ATXN1: variants seen among roughly 807,000 people sequenced by gnomAD.
The protein encoded by ATXN1 is ataxin 1, also known as ataxin-1.
Under a neutral mutation model 56.4 loss-of-function variants are expected in ATXN1, and 8 were observed. That is an observed-to-expected ratio of 0.14 (90% CI 0.08 to 0.26). ATXN1 has a LOEUF of 0.26. ATXN1 is among the 10% of genes least tolerant of loss of function. The pLI is 1.00. For synonymous variants in ATXN1, 514 were observed against 494.6 expected, an observed-to-expected ratio of 1.04 and a Z score of -0.52; for missense variants, 987 against 1,106.5, an observed-to-expected ratio of 0.89 and a Z score of 1.53.
intron 2 of ATXN1, among the ~76,000 whole-genome samples, chr6:16,745,893 T>C (rs1040724105): frequency 6.6e-6 from 1 of 152,086 alleles, no homozygotes; most frequent in Admixed American, 6.6e-5. Context: ...CTTTCCTTTG[T>C]TCTTGCTTTT....
intron 3 of ATXN1, 84 bp downstream of exon 3, chr6:16,657,692 T>G (rs1052738564): frequency 2.6e-5 from 4 of 152,346 alleles, no homozygotes; most frequent in African/African-American, 4.8e-5. Context: ...GCAATACGCT[T>G]GAAGAAGAAG....
chr6:16,477,219 C>T (rs1760343673), intron 6 of ATXN1, among the ~76,000 whole-genome samples: 1 of 152,236 alleles, frequency 6.6e-6, no homozygotes, highest in Non-Finnish European at 1.5e-5. Flanking sequence ...CACCCAAACC[C>T]ATTGCCTAGG....
intron 6 of ATXN1, among the ~76,000 whole-genome samples, chr6:16,342,414 A>G (rs757818549): frequency 6.6e-6 from 1 of 152,270 alleles, no homozygotes; most frequent in African/African-American, 2.4e-5. Context: ...ACCTATGTGC[A>G]TCGTTGGTGG....
intron 5 of ATXN1, among the ~76,000 whole-genome samples, chr6:16,499,644 C>T (rs1760843927): frequency 6.6e-6 from 1 of 152,172 alleles, no homozygotes; most frequent in Non-Finnish European, 1.5e-5. Context: ...GTTCTCTTTC[C>T]AAGCCCGACA....
intron 6 of ATXN1, among the ~76,000 whole-genome samples, chr6:16,416,254 A>G (rs1758904628): frequency 6.6e-6 from 1 of 152,236 alleles, no homozygotes; most frequent in African/African-American, 2.4e-5. Context: ...AAGTAATGCA[A>G]CTTATTTTCT....
chr6:16,468,096 A>G (rs757465095), intron 6 of ATXN1, among the ~76,000 whole-genome samples: 1 of 152,258 alleles, frequency 6.6e-6, no homozygotes, highest in Non-Finnish European at 1.5e-5. Flanking sequence ...ATTTGCCTTC[A>G]TAGTAACATT....
chr6:16,679,376 AT>A (rs1758765381), intron 2 of ATXN1, among the ~76,000 whole-genome samples: 1 of 12,700 alleles, frequency 7.9e-5, no homozygotes, highest in Non-Finnish European at 1.6e-4. Flanking sequence ...GGGTGGGTGG[AT>A]GGATGGATGG....
At chr6:16,690,010 C>T (rs1251761783) in intron 2 of ATXN1, among the ~76,000 whole-genome samples, 3 of 151,970 alleles carry the variant, frequency 2.0e-5, no homozygotes. Context: ...ATGACACAAG[C>T]CAGAATAGAG....
At chr6:16,620,847 G>A (rs543418643) in intron 3 of ATXN1, among the ~76,000 whole-genome samples, 1 of 152,282 alleles carries the variant, frequency 6.6e-6, no homozygotes, top group Admixed American at 6.5e-5. Flanking sequence ...AGCACCACAT[G>A]TGGTCCCACA....
intron 2 of ATXN1, among the ~76,000 whole-genome samples, chr6:16,719,739 A>G (rs1196284159): frequency 6.6e-6 from 1 of 152,154 alleles, no homozygotes; most frequent in Non-Finnish European, 1.5e-5. Context: ...TTCTTCTAAG[A>G]GACAGGAGAG....
chr6:16,584,134 C>T (rs552379991), intron 4 of ATXN1, among the ~76,000 whole-genome samples: 1 of 151,012 alleles, frequency 6.6e-6, no homozygotes, highest in Non-Finnish European at 1.5e-5. Context: ...AATTTGAGCC[C>T]AGGCAGCCTG....
chr6:16,465,470 A>G lies in ATXN1; in HGVS notation c.-161+20502T>C, dbSNP rs79177217. ...GAAATTCCATTTCCAAAAACAAAAC[A>G]AAACAAAACAAAAAATCAGGGAAGG... On this transcript the variant is annotated intron_variant, in intron 6 of 7. Coordinates refer to ENST00000436367, the MANE Select transcript of ATXN1 (RefSeq NM_001128164.2). Among the ~76,000 whole-genome samples the G allele has an allele frequency of 9.6e-3, 1,461 of 152,236 alleles. 22 individuals carry two copies. Among genetic ancestry groups the G allele is most frequent in the African/African-American group, 0.033 (1,386 of 41,522 alleles).
In ATXN1 at chr6:16,714,181, C is replaced by CCACACACACACA. The variant is rs70999343; in HGVS notation, c.-615+39040_-615+39051dup. On this transcript the variant is annotated intron_variant, in intron 2 of 7. Coordinates refer to ENST00000436367, the MANE Select transcript of ATXN1 (RefSeq NM_001128164.2). ...AAAGAAAGAAAAAAAAAACCACACA[C>CCACACACACACA]CACACACACACACACACACACACAC... is the stretch of plus-strand genomic sequence containing the variant. 4.4e-4 allele frequency among the ~76,000 whole-genome samples: 60 copies of CCACACACACACA among 137,644 alleles called. 1 individual carries two copies. The highest frequency in any genetic ancestry group is 2.6e-3 in the South Asian group (11 of 4,260). The allele number at this position is 137,644 out of a possible 152,430, so 90.3% of individuals were successfully genotyped here.
chr6:16,748,095 A>G (rs1014163758), intron 2 of ATXN1, among the ~76,000 whole-genome samples: 4 of 152,316 alleles, frequency 2.6e-5, no homozygotes, highest in Admixed American at 1.3e-4. Flanking sequence ...ACTTAAGCCA[A>G]TCCCCTGAAA....
intron 4 of ATXN1, among the ~76,000 whole-genome samples, chr6:16,533,168 C>A (rs1210579065): frequency 6.6e-6 from 1 of 152,036 alleles, no homozygotes; most frequent in African/African-American, 2.4e-5. Flanking sequence ...GTACTTAATG[C>A]CACTGAACTG....
chr6:16,373,658 C>T (rs1005087501), intron 6 of ATXN1, among the ~76,000 whole-genome samples: 7 of 152,170 alleles, frequency 4.6e-5, no homozygotes, highest in Non-Finnish European at 7.3e-5. Context: ...GTGAATAAGT[C>T]TCACGAGATC....
intron 3 of ATXN1, among the ~76,000 whole-genome samples, chr6:16,600,606 AT>A (rs1762895492): frequency 6.6e-6 from 1 of 152,342 alleles, no homozygotes; most frequent in South Asian, 2.1e-4. Flanking sequence ...ATTCGTGAGG[AT>A]TTGGTAACGA....
chr6:16,395,046 G>A lies in ATXN1; in HGVS notation c.-160-66576C>T, dbSNP rs181222702. Among the ~76,000 whole-genome samples, 399 of 151,778 alleles carry A rather than the reference G, an allele frequency of 2.6e-3. 1 individual carries two copies. Among genetic ancestry groups the A allele is most frequent in the Middle Eastern group, 0.024 (7 of 294 alleles). On this transcript the variant is annotated intron_variant, in intron 6 of 7. Coordinates refer to ENST00000436367, the MANE Select transcript of ATXN1 (RefSeq NM_001128164.2). ...ATATTAAAAACTCCTGAGGCGAGGC[G>A]GATCACCCGAGATCGGGGAGTTCGA...
At position 16,506,016 on chromosome 6, in the gene ATXN1, G is replaced by A. The variant is rs1195918318; in HGVS notation, c.-299+16611C>T. Among the ~76,000 whole-genome samples the A allele has an allele frequency of 6.6e-6, 1 of 152,100 alleles. No individual in the cohort carries two copies. Among genetic ancestry groups the A allele is most frequent in the African/African-American group, 2.4e-5 (1 of 41,426 alleles). ...TTCTCCTTTTCACTTCATCTGGAGG[G>A]CAGTGTCTTCCCTCCTAGAAGAGAG... On this transcript the variant is annotated intron_variant, in intron 5 of 7. Coordinates refer to ENST00000436367, the MANE Select transcript of ATXN1 (RefSeq NM_001128164.2). This position sits in a 1 kb window ranked among gnomAD's most constrained non-coding sequence, Gnocchi z 4.1.
Sources: gnomAD v4.1 joint callset for allele counts (sites outside exome capture counted in the v4.1 genomes callset) on GRCh38, gnomAD v4.1.1 for gene constraint, Gnocchi (gnomAD v3.1) non-coding constraint, MANE v1.5 for transcripts, NCBI Gene and HGNC (gene_info 2026-07-23, HGNC 2026-07-21) for gene names.